Variants in COL5A1 observed in about 807,000 individuals in gnomAD.
COL5A1 encodes the protein collagen alpha-1(V) chain.
Under a neutral mutation model 263.7 loss-of-function variants are expected in COL5A1, and 16 were observed. That is an observed-to-expected ratio of 0.06 (90% CI 0.04 to 0.09). The LOEUF is 0.09. Among genes scored for constraint, COL5A1 ranks in the 10% least tolerant of loss-of-function variants. COL5A1 has a pLI of 1.00. For missense variants in COL5A1, 2,036 were observed against 2,540.5 expected (o/e 0.80, Z 4.27); for synonymous variants, 1,012 against 1,004.5 (o/e 1.01, Z -0.14).
At chr9:134,725,772 TG>T (rs1834626380) in intron 4 of COL5A1, among the ~76,000 whole-genome samples, 2 of 152,228 alleles carry the variant, frequency 1.3e-5, no homozygotes. Flanking sequence ...CCTTGTAGTG[TG>T]GGGCAGTACT....
chr9:134,791,802 C>G (rs1256181821), intron 32 of COL5A1, among the ~76,000 whole-genome samples: 1 of 152,110 alleles, frequency 6.6e-6, no homozygotes, highest in Non-Finnish European at 1.5e-5. Flanking sequence ...GCACATGCAT[C>G]GCGAGTCCTT....
rs947581419 is a variant in COL5A1, at chr9:134,802,744, G to C, written c.3007-144G>C. On this transcript the variant is annotated intron_variant, in intron 38 of 65. Coordinates refer to ENST00000371817, the MANE Select transcript of COL5A1 (RefSeq NM_000093.5). Reference sequence around the variant, plus strand: ...TCTAGATTTTTGCCGGGAAGAGAAGGCTTGCAAAGGCACTTGGAGGTTTGG... The same window carrying C: ...TCTAGATTTTTGCCGGGAAGAGAAGCCTTGCAAAGGCACTTGGAGGTTTGG... 5.7e-6 allele frequency: 4 copies of C among 702,864 alleles called. No homozygotes were observed. The African/African-American group carries it at 7.0e-5, about 12-fold the overall frequency. 43.5% of individuals were successfully genotyped at this position (702,864 alleles called of 1,614,324 possible).
intron 36 of COL5A1, among the ~76,000 whole-genome samples, chr9:134,798,024 C>T (rs1191275070): frequency 6.6e-6 from 1 of 152,200 alleles, no homozygotes; most frequent in East Asian, 1.9e-4. Flanking sequence ...GATTATGACC[C>T]AGCAGGCATG....
chr9:134,796,802 T>C, intron 35 of COL5A1, 46 bp from the exon 36 acceptor site: 1 of 1,584,066 alleles, frequency 6.3e-7, no homozygotes, highest in South Asian at 1.1e-5. Flanking sequence ...CAGGAGCTGC[T>C]CGGGAGAGAC....
At position 134,818,602 on chromosome 9, in the gene COL5A1, G is replaced by C; in HGVS notation, c.4231-54G>C. 1.5e-6 allele frequency: 2 copies of C among 1,359,756 alleles called. No homozygotes were observed. The highest frequency in any genetic ancestry group is 1.2e-5 in the South Asian group (1 of 81,654). 84.2% of individuals were successfully genotyped at this position (1,359,756 alleles called of 1,614,324 possible). On this transcript the variant is annotated intron_variant, in intron 54 of 65. Transcript: ENST00000371817. The surrounding 1 kb of genome is among the most constrained non-coding windows in gnomAD (Gnocchi z 6.0). ...GTTTCCGAGCAGTGGTCCTGGGCCA[G>C]GGTGCCTGGAGCCTAGAGCTCCGGA...
intron 1 of COL5A1, among the ~76,000 whole-genome samples, chr9:134,659,763 G>A (rs1186659000): frequency 3.3e-5 from 5 of 152,162 alleles, no homozygotes; most frequent in South Asian, 2.1e-4. Context: ...CTCCACAGGC[G>A]CCCCGAGTAC....
chr9:134,687,474 T>TCATA lies in COL5A1; in HGVS notation c.110-3435_110-3434insACAT, dbSNP rs1426602456. Among the ~76,000 whole-genome samples, 3 of 150,780 alleles carry TCATA rather than the reference T, an allele frequency of 2.0e-5. No homozygotes were observed. In the East Asian group the frequency reaches 5.9e-4, roughly 29 times the overall value. On this transcript the variant is annotated intron_variant, in intron 1 of 65. Transcript: ENST00000371817. ...ATCCATCCATCATCCATCCATCCAT[T>TCATA]CATCCATCCATCCATCCATCCATCC...
chr9:134,759,995 A>AC (rs1158229467), intron 18 of COL5A1, among the ~76,000 whole-genome samples: 5 of 60,886 alleles, frequency 8.2e-5, no homozygotes, highest in Non-Finnish European at 8.5e-5. Context: ...ACACCCACAC[A>AC]CCCCACACTC....
intron 1 of COL5A1, among the ~76,000 whole-genome samples, chr9:134,669,387 C>T (rs1832471288): frequency 6.7e-6 from 1 of 150,218 alleles, no homozygotes; most frequent in African/African-American, 2.5e-5. Context: ...TCCATTCATC[C>T]ATCCATCCAC....
intron 19 of COL5A1, 128 bp downstream of exon 19, chr9:134,762,106 A>G: frequency 1.1e-6 from 1 of 920,224 alleles, no homozygotes; most frequent in Non-Finnish European, 1.8e-6. Context: ...CAGCTGGGAG[A>G]AGGCAGATGG....
At chr9:134,759,271 TACAC>T (rs962666654) in intron 18 of COL5A1, among the ~76,000 whole-genome samples, 2 of 131,162 alleles carry the variant, frequency 1.5e-5, no homozygotes, top group African/African-American at 2.9e-5. Context: ...CACACACTCA[TACAC>T]ACATGCACAC....
intron 1 of COL5A1, among the ~76,000 whole-genome samples, chr9:134,663,013 C>T (rs114258171): frequency 6.6e-6 from 1 of 152,362 alleles, no homozygotes; most frequent in African/African-American, 2.4e-5. Flanking sequence ...CAACTCGCCA[C>T]ACATTTCTGT....
chr9:134,761,189 C>T (rs1402550197), intron 18 of COL5A1, among the ~76,000 whole-genome samples: 1 of 149,624 alleles, frequency 6.7e-6, no homozygotes, highest in East Asian at 2.0e-4. Flanking sequence ...TATGCACCCC[C>T]CATCCCCCCA....
chr9:134,811,406 G>A lies in COL5A1; in HGVS notation c.3582+14G>A. The A allele has an allele frequency of 6.2e-7, 1 of 1,613,706 alleles. No homozygotes were observed. Among genetic ancestry groups the A allele is most frequent in the South Asian group, 1.1e-5 (1 of 91,056 alleles). On this transcript the variant is annotated intron_variant, in intron 45 of 65. Transcript: ENST00000371817. ...CCAGGCCCCTCTGTGAGTATCCATG[G>A]TCAATGACCTTCGAAAAGCCCCACG...
chr9:134,722,181 CGAAGT>C (rs1834488599), intron 4 of COL5A1, among the ~76,000 whole-genome samples: 2 of 152,314 alleles, frequency 1.3e-5, no homozygotes, highest in South Asian at 4.1e-4. Context: ...AGGGGGTTCT[CGAAGT>C]GAAGGGACCT....
rs527475852 is a variant in COL5A1, at chr9:134,647,519, G to A, written c.109+5223G>A. ...TGCGCATCCTTGCACATGTACCTGC[G>A]TTCACATGGGTGTCCCTGGCTGACT... is the stretch of plus-strand genomic sequence containing the variant. On this transcript the variant is annotated intron_variant, in intron 1 of 65. Transcript: ENST00000371817. This position sits in a 1 kb window ranked among gnomAD's most constrained non-coding sequence, Gnocchi z 5.0. 3.3e-5 allele frequency among the ~76,000 whole-genome samples: 5 copies of A among 152,296 alleles called. No homozygotes were observed. Among genetic ancestry groups the A allele is most frequent in the Admixed American group, 2.0e-4 (3 of 15,292 alleles).
At chr9:134,839,694 A>G (rs916302806) in intron 65 of COL5A1, among the ~76,000 whole-genome samples, 6 of 152,156 alleles carry the variant, frequency 3.9e-5, no homozygotes, top group Non-Finnish European at 8.8e-5. Flanking sequence ...AGGCCGGAGG[A>G]GAGGCAGGCA....
At chr9:134,645,928 T>C (rs549093201) in intron 1 of COL5A1, among the ~76,000 whole-genome samples, 2 of 152,282 alleles carry the variant, frequency 1.3e-5, no homozygotes, top group Non-Finnish European at 2.9e-5. Flanking sequence ...AGTTCCTTTC[T>C]TTCTCCTTCC....
At chr9:134,719,369 G>C (rs920237002) in intron 4 of COL5A1, among the ~76,000 whole-genome samples, 1 of 152,224 alleles carries the variant, frequency 6.6e-6, no homozygotes, top group African/African-American at 2.4e-5. Flanking sequence ...TACACATATG[G>C]CCTCCTGCAC....
Sources: allele counts gnomAD v4.1 joint callset (sites outside exome capture counted in the v4.1 genomes callset), GRCh38; gene constraint gnomAD v4.1.1; non-coding constraint Gnocchi (gnomAD v3.1); transcripts MANE v1.5; gene names NCBI Gene and HGNC (gene_info 2026-07-23, HGNC 2026-07-21).